Variants in SORL1 observed in about 807,000 individuals in gnomAD.
SORL1 encodes sortilin related receptor 1.
In SORL1, 127 loss-of-function variants were observed where a neutral mutation model predicts 273.7. The observed-to-expected ratio is 0.46, with a 90% confidence interval of 0.40 to 0.54. The LOEUF (loss-of-function observed/expected upper bound fraction) is 0.54, where lower values mean the gene tolerates loss of function less well. Ranked by LOEUF, SORL1 falls within the 20% of genes least tolerant of loss-of-function variation. The pLI is 0.00. For missense variants in SORL1, 2,494 were observed against 2,846.1 expected (o/e 0.88, Z 2.81); for synonymous variants, 1,031 against 1,067.4 (o/e 0.97, Z 0.66).
chr11:121,484,956 T>C (rs1490220915), intron 3 of SORL1, among the ~76,000 whole-genome samples: 1 of 152,156 alleles, frequency 6.6e-6, no homozygotes, highest in East Asian at 1.9e-4. Flanking sequence ...GGTTTTGCCA[T>C]GTTGGCCAGG....
Position 121,522,576 on chromosome 11 carries a change from G to C in SORL1, c.1405-10G>C. On this transcript the variant is annotated splice_polypyrimidine_tract_variant and intron_variant, in intron 9 of 47. Coordinates refer to ENST00000260197, the MANE Select transcript of SORL1 (RefSeq NM_003105.6). ...ATGTGCTGACACTGCCTGAAACTTTGGTTGTATAGCTTTCCCAGGGCTGTT... is the reference window on the plus strand; with the variant it reads ...ATGTGCTGACACTGCCTGAAACTTTCGTTGTATAGCTTTCCCAGGGCTGTT... 2 of 1,602,766 alleles carry C rather than the reference G, an allele frequency of 1.2e-6. No individual in the cohort carries two copies. The highest frequency in any genetic ancestry group is 1.7e-4 in the Middle Eastern group (1 of 6,042).
chr11:121,537,299 GC>G (rs1340744724), intron 12 of SORL1, among the ~76,000 whole-genome samples: 4 of 152,144 alleles, frequency 2.6e-5, no homozygotes, highest in Admixed American at 2.6e-4. Context: ...GAATGACATG[GC>G]TAGACTTGCA....
chr11:121,566,533 G>C (rs1862757096), intron 21 of SORL1, among the ~76,000 whole-genome samples: 1 of 152,136 alleles, frequency 6.6e-6, no homozygotes, highest in Admixed American at 6.5e-5. Context: ...TCTCCTGACG[G>C]TCTGCAGACT....
intron 12 of SORL1, among the ~76,000 whole-genome samples, chr11:121,542,034 A>G (rs1490957731): frequency 6.6e-6 from 1 of 152,182 alleles, no homozygotes; most frequent in Non-Finnish European, 1.5e-5. Flanking sequence ...AATTGTTAGC[A>G]TTTGCCGGTT....
rs1863732575 is a variant in SORL1 at position 121,622,177 on chromosome 11, C to T, written c.6080C>T (p.Pro2027Leu). 6.2e-7 allele frequency: 1 copy of T among 1,606,846 alleles called. No homozygotes were observed. The highest frequency in any genetic ancestry group is 1.7e-5 in the Admixed American group (1 of 59,816). ...IKITTVSLSA[P>L]DALKIITEND... ...TAATTTTCAGTTTCATTATCAGCAC[C>T]TGATGCCTTAAAAATCATAACAGAA... is the stretch of plus-strand genomic sequence containing the variant. The change falls in exon 45 of 48, where the codon CCT becomes CTT. Residue 2027 changes from proline (P) to leucine (L), a missense_variant. Transcript: ENST00000260197.
intron 29 of SORL1, 72 bp downstream of exon 29, chr11:121,589,462 C>T: frequency 6.3e-7 from 1 of 1,576,874 alleles, no homozygotes; most frequent in Non-Finnish European, 8.7e-7. Flanking sequence ...TACAGGGACA[C>T]TCACCGGCAA....
chr11:121,472,663 C>T (rs2134785155), intron 2 of SORL1, among the ~76,000 whole-genome samples: 1 of 152,222 alleles, frequency 6.6e-6, no homozygotes, highest in African/African-American at 2.4e-5. Flanking sequence ...GTGTGTCTAA[C>T]TAAGAGCCCA....
intron 32 of SORL1, among the ~76,000 whole-genome samples, chr11:121,602,463 A>G (rs1449651300): frequency 6.6e-6 from 1 of 151,614 alleles, no homozygotes; most frequent in Non-Finnish European, 1.5e-5. Context: ...TCTTCTCACC[A>G]CCTCCCCCAT....
At chr11:121,585,496 T>TACACACAC in intron 26 of SORL1, among the ~76,000 whole-genome samples, 1 of 110,922 alleles carries the variant, frequency 9.0e-6, no homozygotes, top group South Asian at 3.5e-4. Context: ...AAAAAAAATG[T>TACACACAC]ATATACACAC....
chr11:121,629,404 G>C, intron 47 of SORL1, 92 bp from the exon 48 acceptor site: 1 of 756,780 alleles, frequency 1.3e-6, no homozygotes, highest in Non-Finnish European at 2.4e-6. Context: ...CTAGAGGGTT[G>C]TGGTAGGGTT....
intron 12 of SORL1, among the ~76,000 whole-genome samples, chr11:121,539,688 T>C (rs1232900914): frequency 2.0e-5 from 3 of 152,146 alleles, no homozygotes; most frequent in African/African-American, 7.2e-5. Context: ...ACTAACGAAG[T>C]CTTTATTTCT....
chr11:121,555,114 C>T, intron 17 of SORL1, 73 bp from the exon 18 acceptor site: 1 of 1,477,024 alleles, frequency 6.8e-7, no homozygotes. Context: ...AAAGGGTTAC[C>T]CTTCATGGGA....
chr11:121,537,525 A>G (rs929983536), intron 12 of SORL1, among the ~76,000 whole-genome samples: 5 of 152,200 alleles, frequency 3.3e-5, no homozygotes, highest in African/African-American at 1.2e-4. Flanking sequence ...AGACATGGAC[A>G]GGTTGAATTG....
intron 1 of SORL1, among the ~76,000 whole-genome samples, chr11:121,465,663 G>C (rs1861071493): frequency 6.6e-6 from 1 of 152,180 alleles, no homozygotes; most frequent in Non-Finnish European, 1.5e-5. Context: ...GAGTAGCTGG[G>C]ACTACAGGCA....
intron 3 of SORL1, among the ~76,000 whole-genome samples, chr11:121,486,912 T>C (rs1412504888): frequency 6.6e-6 from 1 of 151,938 alleles, no homozygotes; most frequent in Admixed American, 6.6e-5. Flanking sequence ...CACTGAGCCA[T>C]GATTGTGCCA....
chr11:121,551,929 G>T (rs1006422998), intron 16 of SORL1, among the ~76,000 whole-genome samples: 3 of 152,236 alleles, frequency 2.0e-5, no homozygotes, highest in Non-Finnish European at 1.5e-5. Flanking sequence ...GCGTGGGTTA[G>T]TAGGGTTTGA....
intron 3 of SORL1, among the ~76,000 whole-genome samples, chr11:121,487,198 A>G (rs1183040947): frequency 2.0e-5 from 3 of 152,164 alleles, no homozygotes; most frequent in Admixed American, 2.0e-4. Flanking sequence ...AGCCCTGGAC[A>G]TGTCTGTCTC....
intron 38 of SORL1, chr11:121,609,955 A>G (rs781759336): frequency 6.6e-6 from 1 of 152,236 alleles, no homozygotes; most frequent in Non-Finnish European, 1.5e-5. Flanking sequence ...AATTCAAGTC[A>G]GCTTTACCAT....
intron 1 of SORL1, among the ~76,000 whole-genome samples, chr11:121,464,782 T>C (rs1036690837): frequency 3.9e-5 from 6 of 152,188 alleles, no homozygotes; most frequent in African/African-American, 1.4e-4. Flanking sequence ...GGGAGGCCTG[T>C]GCGGATGCTG....
Sources: gnomAD v4.1 joint callset for allele counts (sites outside exome capture counted in the v4.1 genomes callset) on GRCh38, gnomAD v4.1.1 for gene constraint, MANE v1.5 for transcripts, NCBI Gene and HGNC (gene_info 2026-07-23, HGNC 2026-07-21) for gene names.